Variants in DLG2 observed in about 807,000 individuals in gnomAD.
The protein encoded by DLG2 is discs large MAGUK scaffold protein 2.
In DLG2, 45 loss-of-function variants were observed where a neutral mutation model predicts 132.5. The ratio of observed to expected loss-of-function variants is 0.34; its 90% confidence interval spans 0.27 to 0.44. The LOEUF (loss-of-function observed/expected upper bound fraction) is 0.44, where lower values mean the gene tolerates loss of function less well. DLG2 is among the 20% of genes least tolerant of loss of function. DLG2 has a pLI of 1.00. For missense variants in DLG2, 1,045 were observed against 1,196.9 expected, an observed-to-expected ratio of 0.87 and a Z score of 1.87; for synonymous variants, 424 against 419.6, an observed-to-expected ratio of 1.01 and a Z score of -0.13.
At position 85,120,214 on chromosome 11, in the gene DLG2, A is replaced by T. The variant is rs183690184; in HGVS notation, c.283-8479T>A. Among the ~76,000 whole-genome samples the T allele has an allele frequency of 1.0e-3, 157 of 152,228 alleles. 2 individuals are homozygous for T. The Middle Eastern group carries it at 0.014, about 13-fold the overall frequency. ...TGCCCTGTCTTCCTGACACCTATGA[A>T]TATGTATTTTGGGACAAATGTTAAT... On this transcript the variant is annotated intron_variant, in intron 5 of 27. Transcript: ENST00000376104.
chr11:84,675,956 CTT>C lies in DLG2; in HGVS notation c.358-141227_358-141226del, dbSNP rs140852983. On this transcript the variant is annotated intron_variant, in intron 6 of 27. Transcript: ENST00000376104. ...CCTCCTCTGGGTACCCATACTGGCC[CTT>C]GAGTGGGTTTTTTCTCTATCCAGAT... Among the ~76,000 whole-genome samples, 1,079 of 152,054 alleles carry C rather than the reference CTT, an allele frequency of 7.1e-3. 19 individuals are homozygous for C. The highest frequency in any genetic ancestry group is 0.024 in the African/African-American group (982 of 41,494).
intron 4 of DLG2, among the ~76,000 whole-genome samples, chr11:85,210,020 C>T (rs745964271): frequency 1.3e-5 from 2 of 152,060 alleles, no homozygotes; most frequent in Non-Finnish European, 2.9e-5. Context: ...TCAATAACAC[C>T]TGCCCTCATC....
At chr11:84,514,504 C>G (rs981519179) in intron 7 of DLG2, among the ~76,000 whole-genome samples, 29 of 151,744 alleles carry the variant, frequency 1.9e-4, no homozygotes, top group East Asian at 3.9e-4. Context: ...AGAGGTCATT[C>G]TGGAACTGGA....
rs538047001 is a variant in DLG2 at position 85,621,771 on chromosome 11, A to C, written c.-93+4816T>G. ...GCAAAGAAAGTGGTTTCTTCAGATG[A>C]AATCTACTTCCAGTGAAGATGTTGT... On this transcript the variant is annotated intron_variant, in intron 2 of 27. Coordinates refer to ENST00000376104, the MANE Select transcript of DLG2 (RefSeq NM_001142699.3). 2.0e-5 allele frequency among the ~76,000 whole-genome samples: 3 copies of C among 152,376 alleles called. No homozygotes were observed. In the East Asian group the frequency reaches 5.8e-4, roughly 29 times the overall value.
At chr11:84,271,303 G>A (rs976955283) in intron 7 of DLG2, among the ~76,000 whole-genome samples, 4 of 152,140 alleles carry the variant, frequency 2.6e-5, no homozygotes, top group African/African-American at 9.6e-5. Context: ...GATAATTTGG[G>A]CATGATTTTA....
intron 11 of DLG2, among the ~76,000 whole-genome samples, chr11:83,997,846 C>T (rs1478714984): frequency 2.1e-5 from 3 of 144,136 alleles, no homozygotes; most frequent in Non-Finnish European, 3.0e-5. Context: ...ATTTTAGATA[C>T]TGAGAATATT....
At position 83,806,373 on chromosome 11, in the gene DLG2, TTAACTC is replaced by T. The variant is rs2045910593; in HGVS notation, c.1723-19587_1723-19582del. 2.6e-5 allele frequency among the ~76,000 whole-genome samples: 4 copies of T among 152,098 alleles called. No individual in the cohort carries two copies. The South Asian group carries it at 8.3e-4, about 31-fold the overall frequency. Reference sequence around the variant, plus strand: ...AACCACTGATAATAAACTAGACAAATTAACTCTATACACTTTCTCTACACATATTTA... The same window carrying T: ...AACCACTGATAATAAACTAGACAAATTATACACTTTCTCTACACATATTTA... On this transcript the variant is annotated intron_variant, in intron 17 of 27. Transcript: ENST00000376104.
intron 7 of DLG2, among the ~76,000 whole-genome samples, chr11:84,405,561 GA>G (rs1285850890): frequency 1.3e-5 from 2 of 152,058 alleles, no homozygotes; most frequent in Non-Finnish European, 2.9e-5. Flanking sequence ...CTAACCTATT[GA>G]AAGCCAGAAA....
At chr11:85,211,282 A>G (rs1037548036) in intron 4 of DLG2, among the ~76,000 whole-genome samples, 1 of 152,186 alleles carries the variant, frequency 6.6e-6, no homozygotes, top group Non-Finnish European at 1.5e-5. Context: ...GTCTAGTGGA[A>G]GAGATAAATA....
intron 6 of DLG2, among the ~76,000 whole-genome samples, chr11:84,880,805 T>C (rs1353404594): frequency 6.6e-6 from 1 of 152,156 alleles, no homozygotes; most frequent in African/African-American, 2.4e-5. Context: ...CACATAAAAA[T>C]TCAATATGGT....
At chr11:84,450,857 T>C (rs2099049559) in intron 7 of DLG2, among the ~76,000 whole-genome samples, 2 of 151,296 alleles carry the variant, frequency 1.3e-5, no homozygotes, top group African/African-American at 2.4e-5. Context: ...CCTAACAACA[T>C]GCCTGGTGCA....
intron 19 of DLG2, among the ~76,000 whole-genome samples, chr11:83,559,858 G>C (rs2096581128): frequency 6.6e-6 from 1 of 152,152 alleles, no homozygotes. Context: ...CCTAAGAATG[G>C]CAGATAAGGG....
At chr11:85,004,839 T>C (rs1295989705) in intron 6 of DLG2, among the ~76,000 whole-genome samples, 1 of 152,200 alleles carries the variant, frequency 6.6e-6, no homozygotes. Context: ...GGTTTTCTTC[T>C]AGGGTTTTTA....
At chr11:85,524,532 G>T (rs1008407999) in intron 3 of DLG2, among the ~76,000 whole-genome samples, 7 of 152,142 alleles carry the variant, frequency 4.6e-5, no homozygotes, top group Non-Finnish European at 7.4e-5. Flanking sequence ...TTGCTTTGTT[G>T]ACCAGGGTGG....
At chr11:83,741,052 A>G (rs73511009) in intron 18 of DLG2, among the ~76,000 whole-genome samples, 1 of 152,190 alleles carries the variant, frequency 6.6e-6, no homozygotes, top group African/African-American at 2.4e-5. Flanking sequence ...GCAAAAAAAC[A>G]TATGATCATC....
chr11:85,340,737 T>C (rs2082433859), intron 3 of DLG2, among the ~76,000 whole-genome samples: 1 of 152,236 alleles, frequency 6.6e-6, no homozygotes, highest in African/African-American at 2.4e-5. Context: ...TCCTTAATTT[T>C]GTTTATGGTG....
intron 6 of DLG2, among the ~76,000 whole-genome samples, chr11:85,034,530 A>G (rs988751768): frequency 3.3e-5 from 5 of 152,204 alleles, no homozygotes; most frequent in Non-Finnish European, 5.9e-5. Flanking sequence ...GAGAAATAAG[A>G]GTCAAAGTAT....
chr11:85,328,336 G>T (rs1346969326), intron 3 of DLG2, among the ~76,000 whole-genome samples: 3 of 5,474 alleles, frequency 5.5e-4, no homozygotes, highest in Admixed American at 1.9e-3. Flanking sequence ...GAGAATTTTA[G>T]ACCAATATCC....
Position 85,582,012 on chromosome 11 carries a change from A to G in DLG2, c.40+16645T>C, listed in dbSNP as rs573441363. Among the ~76,000 whole-genome samples the G allele has an allele frequency of 3.5e-4, 54 of 152,338 alleles. 1 individual carries two copies. The South Asian group carries it at 0.01, about 29-fold the overall frequency. ...TAAATTTAAAGTGAAAACAGTTAAC[A>G]GTATTTCTCCAGCTATATTTGTCTG... On this transcript the variant is annotated intron_variant, in intron 3 of 27. Transcript: ENST00000376104.
Sources: gnomAD v4.1 joint callset for allele counts (sites outside exome capture counted in the v4.1 genomes callset) on GRCh38, gnomAD v4.1.1 for gene constraint, MANE v1.5 for transcripts, NCBI Gene and HGNC (gene_info 2026-07-23, HGNC 2026-07-21) for gene names.